KCTD16: variants seen among roughly 807,000 people sequenced by gnomAD.
The protein encoded by KCTD16 is BTB/POZ domain-containing protein KCTD16.
KCTD16 carries 13 observed loss-of-function variants against 33.2 expected under a neutral mutation model. The observed-to-expected ratio is 0.39, with a 90% CI of 0.25 to 0.62. The LOEUF (loss-of-function observed/expected upper bound fraction) is 0.62. KCTD16 is among the 20% of genes least tolerant of loss of function. The pLI, the probability that KCTD16 is intolerant of heterozygous loss-of-function variation, is 0.50. For synonymous variants in KCTD16, 197 were observed against 195.3 expected (o/e 1.01, Z -0.07); for missense variants, 441 against 525.1 (o/e 0.84, Z 1.57).
At chr5:144,448,013 C>G (rs947100295) in intron 3 of KCTD16, among the ~76,000 whole-genome samples, 55 of 151,904 alleles carry the variant, frequency 3.6e-4, no homozygotes, top group Non-Finnish European at 5.0e-4. Context: ...CTAGAAGGGC[C>G]TTTACAATCT....
At chr5:144,217,372 T>C (rs1362672922) in intron 3 of KCTD16, among the ~76,000 whole-genome samples, 1 of 152,092 alleles carries the variant, frequency 6.6e-6, no homozygotes, top group African/African-American at 2.4e-5. Context: ...CTGTGTGGAG[T>C]TGTTCAATTT....
intron 3 of KCTD16, among the ~76,000 whole-genome samples, chr5:144,216,989 G>C (rs1045261855): frequency 2.0e-5 from 3 of 152,102 alleles, no homozygotes; most frequent in African/African-American, 7.2e-5. Context: ...TTGTAAAGGG[G>C]ACTCTGGAGC....
intron 3 of KCTD16, among the ~76,000 whole-genome samples, chr5:144,333,339 T>A (rs1343159888): frequency 6.6e-6 from 1 of 152,160 alleles, no homozygotes; most frequent in Non-Finnish European, 1.5e-5. Flanking sequence ...AAAAATAATA[T>A]ATGTTTTTGA....
At chr5:144,418,127 G>T (rs181971505) in intron 3 of KCTD16, among the ~76,000 whole-genome samples, 79 of 152,226 alleles carry the variant, frequency 5.2e-4, no homozygotes, top group African/African-American at 1.8e-3. Context: ...AGGTTCTCCT[G>T]CCCTCACTGG....
intron 3 of KCTD16, among the ~76,000 whole-genome samples, chr5:144,272,646 A>C (rs990092938): frequency 2.6e-5 from 4 of 152,220 alleles, no homozygotes; most frequent in Non-Finnish European, 4.4e-5. Context: ...TATCAGAATG[A>C]AAATCTTCAG....
intron 3 of KCTD16, among the ~76,000 whole-genome samples, chr5:144,363,921 G>A (rs183119382): frequency 6.6e-6 from 1 of 152,202 alleles, no homozygotes; most frequent in Non-Finnish European, 1.5e-5. Flanking sequence ...TTGGGTAGTA[G>A]TCAAGGGATA....
At chr5:144,236,557 C>G (rs1356074357) in intron 3 of KCTD16, among the ~76,000 whole-genome samples, 1 of 152,064 alleles carries the variant, frequency 6.6e-6, no homozygotes, top group African/African-American at 2.4e-5. Context: ...AAGATATACA[C>G]AACTCATATT....
chr5:144,249,401 C>T (rs1261721240), intron 3 of KCTD16, among the ~76,000 whole-genome samples: 1 of 152,020 alleles, frequency 6.6e-6, no homozygotes, highest in Non-Finnish European at 1.5e-5. Context: ...TTTATTTATA[C>T]ATTCATTGAT....
chr5:144,444,542 T>C (rs1177162939), intron 3 of KCTD16, among the ~76,000 whole-genome samples: 1 of 152,032 alleles, frequency 6.6e-6, no homozygotes, highest in Admixed American at 6.6e-5. Flanking sequence ...TAATGTTTTT[T>C]TTAAAAGATG....
intron 3 of KCTD16, among the ~76,000 whole-genome samples, chr5:144,359,013 G>C (rs17101829): frequency 0.019 from 2,866 of 152,270 alleles, 79 homozygotes; most frequent in African/African-American, 0.065. Context: ...TTTGGGACTT[G>C]CTGTCTAGCT....
At chr5:144,437,833 G>A (rs937920855) in intron 3 of KCTD16, among the ~76,000 whole-genome samples, 1 of 152,144 alleles carries the variant, frequency 6.6e-6, no homozygotes, top group African/African-American at 2.4e-5. Flanking sequence ...GCTAGCAATA[G>A]GACTCAAGAG....
Position 144,275,964 on chromosome 5 carries a change from C to T in KCTD16, c.832+68418C>T, listed in dbSNP as rs148023664. ...ATCCTGACATTGTCATTCCAGGTTA[C>T]GTGCCTTTAGGACTTTTCAAAGTGG... is the stretch of plus-strand genomic sequence containing the variant. On this transcript the variant is annotated intron_variant, in intron 3 of 3. Transcript: ENST00000512467. Among the ~76,000 whole-genome samples the T allele has an allele frequency of 1.1e-4, 17 of 152,268 alleles. No individual in the cohort carries two copies. In the East Asian group the frequency reaches 2.5e-3, roughly 22 times the overall value.
intron 3 of KCTD16, among the ~76,000 whole-genome samples, chr5:144,336,994 T>C (rs1752508798): frequency 1.3e-5 from 2 of 150,834 alleles, no homozygotes; most frequent in Non-Finnish European, 3.0e-5. Context: ...ATATATTTAA[T>C]ATATATAATG....
At chr5:144,372,362 C>T (rs1194259462) in intron 3 of KCTD16, among the ~76,000 whole-genome samples, 1 of 152,140 alleles carries the variant, frequency 6.6e-6, no homozygotes, top group African/African-American at 2.4e-5. Flanking sequence ...ATTCATTTAG[C>T]AACAACTTAT....
chr5:144,266,230 C>A (rs1024688574), intron 3 of KCTD16, among the ~76,000 whole-genome samples: 2 of 152,120 alleles, frequency 1.3e-5, no homozygotes, highest in Non-Finnish European at 2.9e-5. Flanking sequence ...GTCTTCAATT[C>A]TCCTTTGTCA....
intron 3 of KCTD16, among the ~76,000 whole-genome samples, chr5:144,304,019 C>T (rs1013119925): frequency 6.6e-6 from 1 of 152,076 alleles, no homozygotes; most frequent in Non-Finnish European, 1.5e-5. Flanking sequence ...TTACCACTCC[C>T]GTTTATATAA....
At chr5:144,194,107 TG>T (rs1752895588) in intron 2 of KCTD16, among the ~76,000 whole-genome samples, 1 of 152,102 alleles carries the variant, frequency 6.6e-6, no homozygotes, top group Non-Finnish European at 1.5e-5. Flanking sequence ...ACAGTGAAGA[TG>T]GTTCACCGAG....
At chr5:144,324,047 G>C (rs1363714730) in intron 3 of KCTD16, among the ~76,000 whole-genome samples, 2 of 152,132 alleles carry the variant, frequency 1.3e-5, no homozygotes, top group Non-Finnish European at 2.9e-5. Context: ...AGCAAATTCT[G>C]TGTGCCTTTT....
intron 3 of KCTD16, among the ~76,000 whole-genome samples, chr5:144,285,149 T>C (rs554485566): frequency 3.5e-4 from 54 of 152,316 alleles, no homozygotes; most frequent in African/African-American, 1.2e-3. Flanking sequence ...AACAATTTCC[T>C]GAGAACCAAG....
Sources: allele counts gnomAD v4.1 joint callset (sites outside exome capture counted in the v4.1 genomes callset), GRCh38; gene constraint gnomAD v4.1.1; transcripts MANE v1.5; gene names NCBI Gene and HGNC (gene_info 2026-07-23, HGNC 2026-07-21).